PRPSAP1: variants seen among roughly 807,000 people sequenced by gnomAD.
The protein encoded by PRPSAP1 is phosphoribosyl pyrophosphate synthetase associated protein 1.
Under a neutral mutation model 39.4 loss-of-function variants are expected in PRPSAP1, and 31 were observed. The observed-to-expected ratio is 0.79, with a 90% confidence interval of 0.59 to 1.06. The LOEUF (loss-of-function observed/expected upper bound fraction) is 1.06. PRPSAP1 is among the 50% of genes least tolerant of loss of function. The pLI, the probability that PRPSAP1 is intolerant of heterozygous loss-of-function variation, is 0.00. For missense variants in PRPSAP1, 430 were observed against 511.6 expected, an observed-to-expected ratio of 0.84 and a Z score of 1.54; for synonymous variants, 212 against 192.6, an observed-to-expected ratio of 1.10 and a Z score of -0.83.
intron 7 of PRPSAP1, among the ~76,000 whole-genome samples, chr17:76,322,315 G>C (rs2071206449): frequency 6.6e-6 from 1 of 152,180 alleles, no homozygotes. Context: ...AGAATCGCTT[G>C]AACCCAGGAG....
chr17:76,349,376 A>C (rs904494284), intron 1 of PRPSAP1, among the ~76,000 whole-genome samples: 4 of 152,142 alleles, frequency 2.6e-5, no homozygotes, highest in Admixed American at 2.0e-4. Flanking sequence ...CATAATATTA[A>C]GGAATTAATA....
At chr17:76,324,452 T>C (rs560206911) in intron 7 of PRPSAP1, among the ~76,000 whole-genome samples, 1 of 151,540 alleles carries the variant, frequency 6.6e-6, no homozygotes, top group Non-Finnish European at 1.5e-5. Flanking sequence ...CAAAAAAAAT[T>C]AGCCAGGTGT....
chr17:76,324,162 A>T (rs985078658), intron 7 of PRPSAP1, among the ~76,000 whole-genome samples: 14 of 150,978 alleles, frequency 9.3e-5, no homozygotes, highest in Non-Finnish European at 1.9e-4. Flanking sequence ...AAAAGAAAGT[A>T]GTTCTTTCTT....
Position 76,353,784 on chromosome 17 carries a change from G to A in PRPSAP1, c.-81C>T, listed in dbSNP as rs549423653. ...CTTCCGACTGCGAGACCCCGGTTTG[G>A]GTGGGGAAGGCGCTGAGAAACTCGG... On this transcript the variant is annotated 5_prime_UTR_variant, in exon 1 of 10. Coordinates refer to ENST00000446526, the MANE Select transcript of PRPSAP1 (RefSeq NM_002766.3). 2.4e-5 allele frequency: 33 copies of A among 1,393,584 alleles called. No homozygotes were observed. The East Asian group carries it at 7.7e-4, about 33-fold the overall frequency. The allele number at this position is 1,393,584 out of a possible 1,614,324, so 86.3% of individuals were successfully genotyped here.
chr17:76,342,831 A>G (rs2071453991), intron 3 of PRPSAP1, among the ~76,000 whole-genome samples: 1 of 151,680 alleles, frequency 6.6e-6, no homozygotes, highest in Non-Finnish European at 1.5e-5. Flanking sequence ...CCCAGCCAGC[A>G]CTTTAGGAGG....
chr17:76,351,244 C>T (rs968394548), intron 1 of PRPSAP1, among the ~76,000 whole-genome samples: 8 of 151,856 alleles, frequency 5.3e-5, no homozygotes, highest in Admixed American at 3.9e-4. Context: ...TGGCCGGGCG[C>T]GGTGGCTCAC....
intron 1 of PRPSAP1, among the ~76,000 whole-genome samples, chr17:76,349,707 G>C (rs1012107673): frequency 6.6e-6 from 1 of 151,080 alleles, no homozygotes; most frequent in Non-Finnish European, 1.5e-5. Flanking sequence ...GTTGCCGTGA[G>C]CCGAGATCAC....
intron 3 of PRPSAP1, among the ~76,000 whole-genome samples, chr17:76,342,322 A>AAT (rs2071448253): frequency 6.6e-6 from 1 of 152,180 alleles, no homozygotes; most frequent in Non-Finnish European, 1.5e-5. Context: ...GAGGTACCTG[A>AAT]ATCTCATCAT....
intron 4 of PRPSAP1, 83 bp downstream of exon 4, chr17:76,332,180 A>G: frequency 6.9e-7 from 1 of 1,453,118 alleles, no homozygotes; most frequent in South Asian, 1.3e-5. Flanking sequence ...CCCAGATTGG[A>G]TATCTGAGGT....
At chr17:76,330,495 AAAAC>A in intron 5 of PRPSAP1, 52 bp downstream of exon 5, 1 of 1,353,946 alleles carries the variant, frequency 7.4e-7, no homozygotes, top group South Asian at 1.3e-5. Context: ...ATACCAGAGA[AAAAC>A]TAAATAAGAT....
chr17:76,323,373 TATAGATGCC>T (rs1367984591), intron 7 of PRPSAP1, among the ~76,000 whole-genome samples: 2 of 150,376 alleles, frequency 1.3e-5, no homozygotes, highest in Admixed American at 6.7e-5. Context: ...TTTATAAGAC[TATAGATGCC>T]ATAGATAGTG....
chr17:76,320,303 GAA>G (rs1567799138), intron 7 of PRPSAP1, among the ~76,000 whole-genome samples: 2,000 of 92,634 alleles, frequency 0.022, 143 homozygotes, highest in African/African-American at 0.08. Flanking sequence ...AGAAAGAAAA[GAA>G]AGGAAGGGAG....
intron 7 of PRPSAP1, among the ~76,000 whole-genome samples, chr17:76,322,259 G>C (rs1041225216): frequency 3.3e-5 from 5 of 152,110 alleles, no homozygotes; most frequent in African/African-American, 1.2e-4. Context: ...AGCCAGGCGT[G>C]GTGGTGTACG....
chr17:76,352,103 TAA>T lies in PRPSAP1; in HGVS notation c.170+1429_170+1430del, dbSNP rs200036627. ...CAAGCAGAGCTGAAAAAAAAATGAC[TAA>T]AGTTTTCCCTTTCTTCTACATTTCC... On this transcript the variant is annotated intron_variant, in intron 1 of 9. Coordinates refer to ENST00000446526, the MANE Select transcript of PRPSAP1 (RefSeq NM_002766.3). 1.2e-4 allele frequency among the ~76,000 whole-genome samples: 18 copies of T among 151,488 alleles called. No homozygotes were observed. In the East Asian group the frequency reaches 3.3e-3, roughly 28 times the overall value.
chr17:76,342,592 C>T (rs1182328425), intron 3 of PRPSAP1, among the ~76,000 whole-genome samples: 1 of 151,410 alleles, frequency 6.6e-6, no homozygotes, highest in Non-Finnish European at 1.5e-5. Context: ...TGGCACACAC[C>T]TATGGTCCCA....
chr17:76,326,497 T>C (rs1220443653), intron 7 of PRPSAP1, among the ~76,000 whole-genome samples: 1 of 152,152 alleles, frequency 6.6e-6, no homozygotes, highest in East Asian at 1.9e-4. Context: ...ACATCATGTG[T>C]TTCCTGTGAT....
rs1296378544 is a variant in PRPSAP1, at chr17:76,310,345, T to C, written c.*1197A>G. ...TAACTTAGCTAGGCTAATTTTTGTA[T>C]TTTTAGTAGAGACGGGGTTTTGCCA... On this transcript the variant is annotated 3_prime_UTR_variant, in exon 10 of 10. Coordinates refer to ENST00000446526, the MANE Select transcript of PRPSAP1 (RefSeq NM_002766.3). The C allele has an allele frequency of 6.6e-6, 1 of 151,700 alleles. No individual in the cohort carries two copies. The highest frequency in any genetic ancestry group is 1.5e-5 in the Non-Finnish European group (1 of 68,066). The allele number at this position is 151,700 out of a possible 1,614,324, so 9.4% of individuals were successfully genotyped here. A position where few individuals can be genotyped will look rare whatever the true frequency, so the allele number is the denominator to read the frequency against.
chr17:76,316,355 T>C (rs2071124158), intron 7 of PRPSAP1, among the ~76,000 whole-genome samples: 1 of 152,112 alleles, frequency 6.6e-6, no homozygotes, highest in South Asian at 2.1e-4. Flanking sequence ...ACCTAGGCTC[T>C]GCTAGGAGGG....
chr17:76,318,431 C>T (rs75368540), intron 7 of PRPSAP1, among the ~76,000 whole-genome samples: 18,095 of 151,998 alleles, frequency 0.12, 2,471 homozygotes, highest in African/African-American at 0.34. Flanking sequence ...GTCTGGGTGA[C>T]AGCAAGACTC....
Sources: gnomAD v4.1 joint callset for allele counts (sites outside exome capture counted in the v4.1 genomes callset) on GRCh38, gnomAD v4.1.1 for gene constraint, MANE v1.5 for transcripts, NCBI Gene and HGNC (gene_info 2026-07-23, HGNC 2026-07-21) for gene names.